The following IGFBP5 variants were observed in gnomAD, a reference collection of about 807,000 sequenced individuals.
IGFBP5 encodes the protein insulin like growth factor binding protein 5, also known as insulin-like growth factor-binding protein 5.
Under a neutral mutation model 28.0 loss-of-function variants are expected in IGFBP5, and 12 were observed. That is an observed-to-expected ratio of 0.43 (90% CI 0.27 to 0.69). The LOEUF (loss-of-function observed/expected upper bound fraction) is 0.69, where lower values mean the gene tolerates loss of function less well. Ranked by LOEUF, IGFBP5 falls within the 30% of genes least tolerant of loss-of-function variation. The probability of loss-of-function intolerance (pLI) is 0.20; values close to 1 mark genes in which losing one functional copy is unlikely to be tolerated. For synonymous variants in IGFBP5, 152 were observed against 150.2 expected, an observed-to-expected ratio of 1.01 and a Z score of -0.09; for missense variants, 344 against 381.6, an observed-to-expected ratio of 0.90 and a Z score of 0.82.
At chr2:216,678,777 C>T (rs140198674) in intron 2 of IGFBP5, 73 bp downstream of exon 2, 82 of 1,277,240 alleles carry the variant, frequency 6.4e-5, no homozygotes, top group African/African-American at 2.4e-4. Context: ...CACCTCCTGC[C>T]GCCATGAATG....
intron 1 of IGFBP5, among the ~76,000 whole-genome samples, chr2:216,684,305 A>C (rs1363808942): frequency 1.3e-5 from 2 of 151,020 alleles, no homozygotes; most frequent in Admixed American, 6.6e-5. Context: ...TAAAATCTAA[A>C]CCCCCCGCCC....
chr2:216,692,225 T>G lies in IGFBP5; in HGVS notation c.337+2214A>C, dbSNP rs952414024. On this transcript the variant is annotated intron_variant, in intron 1 of 3. Transcript: ENST00000233813. This position sits in a 1 kb window ranked among gnomAD's most constrained non-coding sequence, Gnocchi z 4.2. ...GGCCGGGCACCTGCCTTCGGCGGGG[T>G]GGAGTCGGAGAGGAGTGCTGGGGAG... Among the ~76,000 whole-genome samples the G allele has an allele frequency of 6.6e-6, 1 of 150,988 alleles. No individual in the cohort carries two copies. Among genetic ancestry groups the G allele is most frequent in the African/African-American group, 2.4e-5 (1 of 41,024 alleles).
intron 1 of IGFBP5, among the ~76,000 whole-genome samples, chr2:216,691,291 AG>A (rs1211931397): frequency 6.6e-6 from 1 of 152,196 alleles, no homozygotes; most frequent in Non-Finnish European, 1.5e-5. Flanking sequence ...CAGAACCGAA[AG>A]CCAGAACCCA....
intron 1 of IGFBP5, among the ~76,000 whole-genome samples, chr2:216,685,887 TTTTG>T (rs892254266): frequency 1.3e-5 from 2 of 152,120 alleles, no homozygotes; most frequent in Non-Finnish European, 2.9e-5. Context: ...TGTTTTTGTT[TTTTG>T]TTTGTTTGTT....
chr2:216,693,751 T>A (rs1267531903), intron 1 of IGFBP5, among the ~76,000 whole-genome samples: 1 of 152,184 alleles, frequency 6.6e-6, no homozygotes. Context: ...AAAGTCATTT[T>A]GCAGTTAAAT....
intron 1 of IGFBP5, among the ~76,000 whole-genome samples, chr2:216,682,714 G>GT (rs71401160): frequency 0.014 from 1,957 of 143,060 alleles, 20 homozygotes; most frequent in Middle Eastern, 0.062. Context: ...AGCGTTTTTT[G>GT]TTTTTTTTTT....
chr2:216,694,669 G>A lies in IGFBP5; in HGVS notation c.107C>T (p.Ser36Phe), dbSNP rs1689146047. 3 of 1,526,886 alleles carry A rather than the reference G, an allele frequency of 2.0e-6. No individual in the cohort carries two copies. In the East Asian group the frequency reaches 7.3e-5, roughly 37 times the overall value. The allele number at this position is 1,526,886 out of a possible 1,614,324, so 94.6% of individuals were successfully genotyped here. ...GCCCAGGGGGCTGGGGGGGCACATGGAGAGGGCTTTCTCGTCGCAGGGCTC... is the reference window on the plus strand; with the variant it reads ...GCCCAGGGGGCTGGGGGGGCACATGAAGAGGGCTTTCTCGTCGCAGGGCTC... ...HCEPCDEKAL[S>F]MCPPSPLGCE... Residue 36 changes from serine to phenylalanine, a missense_variant, in exon 1 of 4, where the codon TCC becomes TTC. By Grantham distance (155) the Ser-to-Phe change is radical. Transcript: ENST00000233813. The surrounding 1 kb of genome is among the most constrained non-coding windows in gnomAD (Gnocchi z 5.2).
rs1689157000 is a variant in IGFBP5 at position 216,695,511 on chromosome 2, C to T, written c.-736G>A. On this transcript the variant is annotated 5_prime_UTR_variant, in exon 1 of 4. Transcript: ENST00000233813. Reference sequence around the variant, plus strand: ...GCCCACACTGCTTTGCAGCTCTTTCCTAGCTCTTTTCCCCTGCAGAAGTTT... The same window carrying T: ...GCCCACACTGCTTTGCAGCTCTTTCTTAGCTCTTTTCCCCTGCAGAAGTTT... 1 of 152,216 alleles carries T rather than the reference C, an allele frequency of 6.6e-6. No individual in the cohort carries two copies. The highest frequency in any genetic ancestry group is 1.5e-5 in the Non-Finnish European group (1 of 68,048). 9.4% of individuals were successfully genotyped at this position (152,216 alleles called of 1,614,324 possible). A position where few individuals can be genotyped will look rare whatever the true frequency, so the allele number is the denominator to read the frequency against.
intron 1 of IGFBP5, among the ~76,000 whole-genome samples, chr2:216,688,636 A>G (rs1689058289): frequency 6.6e-6 from 1 of 152,176 alleles, no homozygotes; most frequent in African/African-American, 2.4e-5. Context: ...CCCACATTAA[A>G]CAACTCAGAG....
intron 1 of IGFBP5, among the ~76,000 whole-genome samples, chr2:216,687,454 GAGGTAA>G (rs1314853902): frequency 2.2e-4 from 33 of 152,214 alleles, no homozygotes; most frequent in African/African-American, 7.7e-4. Flanking sequence ...CCAGGGACCA[GAGGTAA>G]AGAGAGGCTC....
chr2:216,693,881 G>GGT (rs985622617), intron 1 of IGFBP5, among the ~76,000 whole-genome samples: 3 of 151,990 alleles, frequency 2.0e-5, no homozygotes, highest in African/African-American at 7.2e-5. Flanking sequence ...GGGTGTTTGT[G>GGT]GTGTGTGTGT....
chr2:216,688,997 G>A (rs951531905), intron 1 of IGFBP5, among the ~76,000 whole-genome samples: 5 of 152,168 alleles, frequency 3.3e-5, no homozygotes, highest in African/African-American at 1.2e-4. Context: ...GCCTATGAAA[G>A]AAAGCCAGGG....
At chr2:216,676,995 G>A in intron 3 of IGFBP5, 113 bp from the exon 4 acceptor site, 1 of 1,231,750 alleles carries the variant, frequency 8.1e-7, no homozygotes, top group East Asian at 2.5e-5. Flanking sequence ...AGAGAGTTGA[G>A]GGCACTAGAC....
Position 216,676,737 on chromosome 2 carries a change from TG to T in IGFBP5, c.*13del, listed in dbSNP as rs758001033. 574 of 1,166,918 alleles carry T rather than the reference TG, an allele frequency of 4.9e-4. 4 individuals are homozygous for T. Among genetic ancestry groups the T allele is most frequent in the Non-Finnish European group, 2.4e-4 (210 of 869,364 alleles). The allele number at this position is 1,166,918 out of a possible 1,614,324, so 72.3% of individuals were successfully genotyped here. A position where few individuals can be genotyped will look rare whatever the true frequency, so the allele number is the denominator to read the frequency against. ...GGGTGGGAGGGGGTGAGGGAAAGGT[TG>T]GGGGGGGACGCATCACTCAACGTTG... On this transcript the variant is annotated 3_prime_UTR_variant, in exon 4 of 4. Coordinates refer to ENST00000233813, the MANE Select transcript of IGFBP5 (RefSeq NM_000599.4).
chr2:216,681,944 C>G (rs912946754), intron 1 of IGFBP5, among the ~76,000 whole-genome samples: 6 of 152,212 alleles, frequency 3.9e-5, no homozygotes, highest in African/African-American at 1.4e-4. Context: ...TTTGACCTCT[C>G]TTACTCTTTT....
intron 1 of IGFBP5, among the ~76,000 whole-genome samples, chr2:216,693,695 A>AC (rs1021265572): frequency 3.1e-4 from 46 of 148,592 alleles, no homozygotes; most frequent in African/African-American, 1.1e-3. Context: ...CCCACCCCGC[A>AC]CCCCCGCACT....
intron 2 of IGFBP5, 79 bp from the exon 3 acceptor site, chr2:216,678,310 TG>T: frequency 7.2e-7 from 1 of 1,395,086 alleles, no homozygotes; most frequent in South Asian, 1.9e-5. Flanking sequence ...GCCCAGGGGG[TG>T]GGGGCTGAAG....
rs757553693 is a variant in IGFBP5, at chr2:216,678,929, G to A, written c.488C>T (p.Ser163Phe). 31 of 1,614,106 alleles carry A rather than the reference G, an allele frequency of 1.9e-5. No homozygotes were observed. Among genetic ancestry groups the A allele is most frequent in the Middle Eastern group, 1.6e-4 (1 of 6,084 alleles). The part of the protein sequence containing the change: ...KKDRRKKLTQ[S>F]KFVGGAENTA... ...GTTCTCGGCTCCCCCGACAAACTTG[G>A]ACTGGGTCAGCTTCTTTCTGCGGTC... Residue 163 changes from serine to phenylalanine, a missense_variant, in exon 2 of 4, where the codon TCC (serine) becomes TTC (phenylalanine). Coordinates refer to ENST00000233813, the MANE Select transcript of IGFBP5 (RefSeq NM_000599.4).
At chr2:216,691,539 A>C (rs565998887) in intron 1 of IGFBP5, among the ~76,000 whole-genome samples, 3 of 151,976 alleles carry the variant, frequency 2.0e-5, no homozygotes, top group Non-Finnish European at 2.9e-5. Context: ...TTCCGTATCT[A>C]TCTCTGCTCC....
Sources: allele counts gnomAD v4.1 joint callset (sites outside exome capture counted in the v4.1 genomes callset), GRCh38; gene constraint gnomAD v4.1.1; non-coding constraint Gnocchi (gnomAD v3.1); transcripts MANE v1.5; gene names NCBI Gene and HGNC (gene_info 2026-07-23, HGNC 2026-07-21).